FBLN2: variants seen among roughly 807,000 people sequenced by gnomAD.
FBLN2 encodes fibulin-2.
FBLN2 carries 81 observed loss-of-function variants against 123.7 expected under a neutral mutation model. The ratio of observed to expected loss-of-function variants is 0.65; its 90% CI spans 0.55 to 0.79. FBLN2 has a LOEUF of 0.79. Among genes scored for constraint, FBLN2 ranks in the 30% least tolerant of loss-of-function variants. The pLI, the probability that FBLN2 is intolerant of heterozygous loss-of-function variation, is 0.00. For synonymous variants in FBLN2, 699 were observed against 701.4 expected (o/e 1.00, Z 0.05); for missense variants, 1,603 against 1,681.3 (o/e 0.95, Z 0.81).
At chr3:13,592,125 C>T (rs113991538) in intron 2 of FBLN2, among the ~76,000 whole-genome samples, 9 of 151,196 alleles carry the variant, frequency 6.0e-5, no homozygotes, top group African/African-American at 9.7e-5. Context: ...TGTGTTCAAG[C>T]GATCCTCCTT....
At chr3:13,604,782 G>T (rs1328725807) in intron 2 of FBLN2, among the ~76,000 whole-genome samples, 1 of 152,236 alleles carries the variant, frequency 6.6e-6, no homozygotes, top group Non-Finnish European at 1.5e-5. Context: ...GTAACAGGTT[G>T]TGATGGAAGC....
chr3:13,624,618 C>G (rs958741762), intron 9 of FBLN2, among the ~76,000 whole-genome samples: 3 of 152,230 alleles, frequency 2.0e-5, no homozygotes, highest in African/African-American at 7.2e-5. Flanking sequence ...CCACCTGGTC[C>G]TCTAGTCATC....
chr3:13,577,323 G>A (rs896601927), intron 2 of FBLN2, among the ~76,000 whole-genome samples: 1 of 152,038 alleles, frequency 6.6e-6, no homozygotes, highest in Non-Finnish European at 1.5e-5. Context: ...GGGGAGGAGC[G>A]AGCCACGCGT....
chr3:13,563,388 G>T (rs763760837), intron 1 of FBLN2, among the ~76,000 whole-genome samples: 1 of 152,220 alleles, frequency 6.6e-6, no homozygotes, highest in African/African-American at 2.4e-5. Flanking sequence ...TCACTTCCCC[G>T]TGAAGTGCCT....
intron 4 of FBLN2, among the ~76,000 whole-genome samples, chr3:13,613,349 A>G (rs1359522276): frequency 6.6e-6 from 1 of 152,272 alleles, no homozygotes; most frequent in Non-Finnish European, 1.5e-5. Flanking sequence ...CGTTATTGCA[A>G]CCAAAATACT....
chr3:13,629,920 A>G lies in FBLN2; in HGVS notation c.2943A>G (p.Leu981=). Residue 981 remains leucine, a synonymous_variant, in exon 14 of 18, where the codon CTA becomes CTG. Transcript: ENST00000404922. ...YRCSCASGFL[L]AADGKRCEDV... is the part of the protein sequence containing the mutation. ...GTTCCTGCGCCTCCGGGTTCCTGCTAGCAGCGGACGGCAAGCGCTGTGAAG... is the reference window on the plus strand; with the variant it reads ...GTTCCTGCGCCTCCGGGTTCCTGCTGGCAGCGGACGGCAAGCGCTGTGAAG... The G allele has an allele frequency of 6.2e-7, 1 of 1,610,126 alleles. No individual in the cohort carries two copies. Among genetic ancestry groups the G allele is most frequent in the Non-Finnish European group, 8.5e-7 (1 of 1,178,812 alleles).
intron 2 of FBLN2, among the ~76,000 whole-genome samples, chr3:13,605,983 C>T (rs1705190403): frequency 1.3e-5 from 2 of 152,136 alleles, no homozygotes; most frequent in South Asian, 2.1e-4. Flanking sequence ...AGTGCAGTGG[C>T]TCCATCTCAG....
intron 5 of FBLN2, among the ~76,000 whole-genome samples, chr3:13,614,881 T>C (rs1705539204): frequency 6.7e-6 from 1 of 148,766 alleles, no homozygotes; most frequent in Admixed American, 6.7e-5. Flanking sequence ...TCTATCCATC[T>C]GTCTGATCAT....
At chr3:13,561,557 G>A (rs1703607508) in intron 1 of FBLN2, among the ~76,000 whole-genome samples, 1 of 152,126 alleles carries the variant, frequency 6.6e-6, no homozygotes, top group Non-Finnish European at 1.5e-5. Flanking sequence ...TACTGTTAGT[G>A]CTGCTTAGGA....
intron 15 of FBLN2, 38 bp from the exon 16 acceptor site, chr3:13,631,291 G>A (rs770842824): frequency 2.5e-6 from 4 of 1,587,312 alleles, no homozygotes; most frequent in Non-Finnish European, 3.4e-6. Flanking sequence ...CTCTGTGGGT[G>A]GACGAGGTTC....
chr3:13,570,513 C>T lies in FBLN2; in HGVS notation c.158C>T (p.Ala53Val). The change falls in exon 2 of 18, where the codon GCC becomes GTC. Residue 53 changes from alanine to valine, a missense_variant. Coordinates refer to ENST00000404922, the MANE Select transcript of FBLN2 (RefSeq NM_001004019.2). ...ATTGAGGAGGCGCTGGAGCCGGGTG[C>T]CTGCTGTGCCACGTGTGTGCAGCAG... ...NCIEEALEPG[A>V]CCATCVQQGC... 2.5e-6 allele frequency: 4 copies of T among 1,586,660 alleles called. No individual in the cohort carries two copies. In the South Asian group the frequency reaches 3.4e-5, roughly 14 times the overall value.
chr3:13,563,576 T>TC (rs1213494525), intron 1 of FBLN2, among the ~76,000 whole-genome samples: 12 of 152,080 alleles, frequency 7.9e-5, no homozygotes, highest in African/African-American at 2.7e-4. Context: ...CTGAGCGCTC[T>TC]CCCCCGACAG....
intron 4 of FBLN2, 46 bp downstream of exon 4, chr3:13,609,688 G>GGGCC: frequency 3.9e-6 from 2 of 512,600 alleles, no homozygotes; most frequent in Middle Eastern, 6.4e-4. Flanking sequence ...GTGGGGCGGG[G>GGGCC]CGGGAGGCTG....
At position 13,571,428 on chromosome 3, in the gene FBLN2, A is replaced by C. The variant is rs755089111; in HGVS notation, c.1073A>C (p.His358Pro). The C allele has an allele frequency of 5.0e-6, 8 of 1,612,866 alleles. No individual in the cohort carries two copies. Among genetic ancestry groups the C allele is most frequent in the Non-Finnish European group, 5.9e-6 (7 of 1,179,602 alleles). ...AGCACTGGGCCGGAGGGCGTGACGC[A>C]TGCACCGAGCCTGGGCAAGGCTGCT... is the stretch of plus-strand genomic sequence containing the variant. ...SRSTGPEGVTHAPSLGKAALV... is the reference protein window; with the variant it reads ...SRSTGPEGVTPAPSLGKAALV... Residue 358 changes from histidine (H) to proline (P), a missense_variant, in exon 2 of 18, where the codon CAT becomes CCT. Coordinates refer to ENST00000404922, the MANE Select transcript of FBLN2 (RefSeq NM_001004019.2).
chr3:13,583,855 C>T (rs538955089), intron 2 of FBLN2, among the ~76,000 whole-genome samples: 1 of 152,326 alleles, frequency 6.6e-6, no homozygotes, highest in South Asian at 2.1e-4. Context: ...CTTCCAGCCC[C>T]GTCCTCTAGC....
At chr3:13,616,529 G>A (rs560175581) in intron 5 of FBLN2, among the ~76,000 whole-genome samples, 1 of 152,326 alleles carries the variant, frequency 6.6e-6, no homozygotes, top group South Asian at 2.1e-4. Flanking sequence ...TCATGGCCCT[G>A]CCTGGAGGCA....
intron 5 of FBLN2, among the ~76,000 whole-genome samples, chr3:13,614,611 C>CAATT (rs1346223980): frequency 7.0e-6 from 1 of 143,712 alleles, no homozygotes; most frequent in Admixed American, 6.8e-5. Context: ...TCCATCCACC[C>CAATT]ATCCACCCAC....
chr3:13,596,465 CA>C (rs1410696199), intron 2 of FBLN2, among the ~76,000 whole-genome samples: 2 of 152,240 alleles, frequency 1.3e-5, no homozygotes, highest in African/African-American at 2.4e-5. Context: ...TGTTTGTGTT[CA>C]TGGGAGCATC....
chr3:13,564,202 G>T (rs1165491670), intron 1 of FBLN2, among the ~76,000 whole-genome samples: 1 of 152,102 alleles, frequency 6.6e-6, no homozygotes, highest in Non-Finnish European at 1.5e-5. Flanking sequence ...TCTCTGCTTG[G>T]ACTTGGGCCC....
Sources: gnomAD v4.1 joint callset for allele counts (sites outside exome capture counted in the v4.1 genomes callset) on GRCh38, gnomAD v4.1.1 for gene constraint, MANE v1.5 for transcripts, NCBI Gene and HGNC (gene_info 2026-07-23, HGNC 2026-07-21) for gene names.